LRRN3: variants seen among roughly 807,000 people sequenced by gnomAD.
LRRN3 encodes leucine rich repeat neuronal 3.
Under a neutral mutation model 40.1 loss-of-function variants are expected in LRRN3, and 15 were observed. The observed-to-expected ratio is 0.37, with a 90% CI of 0.25 to 0.58. The LOEUF (loss-of-function observed/expected upper bound fraction) is 0.58, where lower values mean the gene tolerates loss of function less well. LRRN3 is among the 20% of genes least tolerant of loss of function. LRRN3 has a pLI of 0.72. For synonymous variants in LRRN3, 308 were observed against 297.2 expected (o/e 1.04, Z -0.37); for missense variants, 746 against 837.7 (o/e 0.89, Z 1.35).
rs767300590 is a variant in LRRN3 at position 111,124,332 on chromosome 7, T to A, written c.1560T>A (p.Asp520Glu). The change falls in exon 3 of 3, where the codon GAT (aspartate) becomes GAA (glutamate). Residue 520 changes from aspartate to glutamate, a missense_variant. Physicochemically the swap from Asp to Glu is conservative, Grantham distance 45. Coordinates refer to ENST00000308478, the MANE Select transcript of LRRN3 (RefSeq NM_001099658.2). ...AAGTGGATGGATCTTTTCCACAAGA[T>A]AACAATGGCTCTTTGAATATTAAAA... The part of the protein sequence containing the change: ...MIKVDGSFPQ[D>E]NNGSLNIKIR... The A allele has an allele frequency of 6.2e-7, 1 of 1,613,784 alleles. No homozygotes were observed.
intron 1 of LRRN3, among the ~76,000 whole-genome samples, chr7:111,092,125 G>A (rs115489404): frequency 1.3e-5 from 2 of 152,268 alleles, no homozygotes; most frequent in African/African-American, 4.8e-5. Context: ...ATTTCTGCCA[G>A]GCTACATCTT....
rs1798824568 is a variant in LRRN3 at position 111,108,675 on chromosome 7, T to A, written c.-359+8713T>A. Among the ~76,000 whole-genome samples, 3 of 152,160 alleles carry A rather than the reference T, an allele frequency of 2.0e-5. No individual in the cohort carries two copies. The South Asian group carries it at 6.2e-4, about 32-fold the overall frequency. On this transcript the variant is annotated intron_variant, in intron 2 of 2. Transcript: ENST00000308478. The stretch of plus-strand genomic sequence containing the variant: ...TCTAAAGTGGGTATTGTTACACTTT[T>A]GTAATCTCCTGAATTTAAAAAAAAC...
intron 2 of LRRN3, among the ~76,000 whole-genome samples, chr7:111,113,405 G>A (rs571309942): frequency 7.7e-4 from 116 of 151,366 alleles, no homozygotes; most frequent in African/African-American, 2.6e-3. Context: ...TTGTATACAT[G>A]TCTATCATGT....
chr7:111,124,185 C>T lies in LRRN3; in HGVS notation c.1413C>T (p.Asp471=), dbSNP rs1272768627. Residue 471 remains aspartate, a synonymous_variant, in exon 3 of 3, where the codon GAC becomes GAT. Coordinates refer to ENST00000308478, the MANE Select transcript of LRRN3 (RefSeq NM_001099658.2). ...AACTCTTGCCTAATACCCTGACAGACAAGTTCTATGTCCATTCTGAGGGAA... is the reference window on the plus strand; with the variant it reads ...AACTCTTGCCTAATACCCTGACAGATAAGTTCTATGTCCATTCTGAGGGAA... ...GQKLLPNTLT[D]KFYVHSEGTL... The T allele has an allele frequency of 1.2e-5, 19 of 1,613,884 alleles. No individual in the cohort carries two copies. Among genetic ancestry groups the T allele is most frequent in the Non-Finnish European group, 1.5e-5 (18 of 1,179,924 alleles).
intron 2 of LRRN3, among the ~76,000 whole-genome samples, chr7:111,109,235 C>T (rs1798906823): frequency 1.3e-5 from 2 of 151,906 alleles, no homozygotes; most frequent in African/African-American, 4.8e-5. Context: ...ACATGATAAA[C>T]CATTAACTTT....
At chr7:111,110,865 A>G (rs928251948) in intron 2 of LRRN3, among the ~76,000 whole-genome samples, 1 of 152,170 alleles carries the variant, frequency 6.6e-6, no homozygotes, top group African/African-American at 2.4e-5. Flanking sequence ...GGGATTCCAG[A>G]TCTTAAATCA....
At position 111,124,038 on chromosome 7, in the gene LRRN3, T is replaced by A; in HGVS notation, c.1266T>A (p.Leu422=). 1 of 1,614,084 alleles carries A rather than the reference T, an allele frequency of 6.2e-7. No homozygotes were observed. Among genetic ancestry groups the A allele is most frequent in the South Asian group, 1.1e-5 (1 of 91,086 alleles). ...FRDMMEICLP[L]IAPESFPSNL... ...ACATGATGGAAATTTGTCTCCCTCTTATAGCTCCTGAGAGCTTTCCTTCTA... is the reference window on the plus strand; with the variant it reads ...ACATGATGGAAATTTGTCTCCCTCTAATAGCTCCTGAGAGCTTTCCTTCTA... Residue 422 remains leucine (L), a synonymous_variant, in exon 3 of 3, where the codon CTT becomes CTA. Coordinates refer to ENST00000308478, the MANE Select transcript of LRRN3 (RefSeq NM_001099658.2).
At chr7:111,109,036 T>C (rs1798873530) in intron 2 of LRRN3, among the ~76,000 whole-genome samples, 1 of 152,144 alleles carries the variant, frequency 6.6e-6, no homozygotes, top group Non-Finnish European at 1.5e-5. Context: ...AAGCAAATAA[T>C]TTCTAGCAGT....
At position 111,110,092 on chromosome 7, in the gene LRRN3, G is replaced by A. The variant is rs1435292942; in HGVS notation, c.-359+10130G>A. Among the ~76,000 whole-genome samples the A allele has an allele frequency of 4.6e-5, 7 of 152,070 alleles. No individual in the cohort carries two copies. In the South Asian group the frequency reaches 6.2e-4, roughly 14 times the overall value. On this transcript the variant is annotated intron_variant, in intron 2 of 2. Transcript: ENST00000308478. ...GGAGGTTGCAGTAAGCTGAGATCAC[G>A]CCACTGCACTCCAGCCTAGGCAACA... is the stretch of plus-strand genomic sequence containing the variant.
At chr7:111,093,897 G>A (rs1456954327) in intron 1 of LRRN3, among the ~76,000 whole-genome samples, 1 of 152,098 alleles carries the variant, frequency 6.6e-6, no homozygotes, top group African/African-American at 2.4e-5. Context: ...CTTGTCACAG[G>A]CAACATGCTG....
At chr7:111,113,889 A>C (rs1799534202) in intron 2 of LRRN3, among the ~76,000 whole-genome samples, 1 of 152,176 alleles carries the variant, frequency 6.6e-6, no homozygotes, top group African/African-American at 2.4e-5. Flanking sequence ...AAATCATAAG[A>C]ATGAGCTTTT....
At chr7:111,119,828 G>A (rs1338459773) in intron 2 of LRRN3, among the ~76,000 whole-genome samples, 2 of 152,138 alleles carry the variant, frequency 1.3e-5, no homozygotes, top group Non-Finnish European at 2.9e-5. Flanking sequence ...TGAAGGAAAG[G>A]ATCAAGGAAA....
In LRRN3 at chr7:111,123,677, G is replaced by A; in HGVS notation, c.905G>A (p.Ser302Asn). Residue 302 changes from serine (S) to asparagine (N), a missense_variant, in exon 3 of 3, where the codon AGT becomes AAT. By Grantham distance (46) the Ser-to-Asn change is conservative (BLOSUM62 1). Transcript: ENST00000308478. This position sits in a 1 kb window ranked among gnomAD's most constrained non-coding sequence, Gnocchi z 6.4. ...NNMPELISID[S>N]LAVDNLPDLR... ...ATGCCTGAGCTGATTTCCATCGATA[G>A]TCTTGCTGTGGATAACCTGCCAGAT... 1 of 1,613,910 alleles carries A rather than the reference G, an allele frequency of 6.2e-7. No homozygotes were observed.
At chr7:111,098,656 A>G (rs981271801) in intron 1 of LRRN3, among the ~76,000 whole-genome samples, 1 of 151,794 alleles carries the variant, frequency 6.6e-6, no homozygotes, top group African/African-American at 2.4e-5. Flanking sequence ...AGCACTTAAC[A>G]TACATTTTCT....
chr7:111,124,934 A>AC lies in LRRN3; in HGVS notation c.*35_*36insC, dbSNP rs548925596. Reference sequence around the variant, plus strand: ...AGGAAACCTACTCCAAAAATGAACAAAAAAAAAAAAAGCGAAAGACTGCAG... The same window carrying AC: ...AGGAAACCTACTCCAAAAATGAACAACAAAAAAAAAAAGCGAAAGACTGCAG... On this transcript the variant is annotated 3_prime_UTR_variant, in exon 3 of 3. Coordinates refer to ENST00000308478, the MANE Select transcript of LRRN3 (RefSeq NM_001099658.2). The AC allele has an allele frequency of 9.7e-4, 1,101 of 1,136,788 alleles. 5 individuals are homozygous for AC. The South Asian group carries it at 1.0e-2, about 10-fold the overall frequency. 70.4% of individuals were successfully genotyped at this position (1,136,788 alleles called of 1,614,324 possible). A position where few individuals can be genotyped will look rare whatever the true frequency, so the allele number is the denominator to read the frequency against.
intron 2 of LRRN3, among the ~76,000 whole-genome samples, chr7:111,112,003 A>G (rs939842514): frequency 8.1e-6 from 1 of 124,172 alleles, no homozygotes; most frequent in South Asian, 2.5e-4. Context: ...GCTGGAGTGC[A>G]GTGGTGCGAT....
intron 2 of LRRN3, among the ~76,000 whole-genome samples, chr7:111,118,429 C>A (rs1252158683): frequency 6.6e-6 from 1 of 152,006 alleles, no homozygotes; most frequent in East Asian, 1.9e-4. Context: ...TAAGTGTCCA[C>A]AGGAATTGGA....
At chr7:111,119,680 C>A (rs1408980640) in intron 2 of LRRN3, among the ~76,000 whole-genome samples, 1 of 152,140 alleles carries the variant, frequency 6.6e-6, no homozygotes, top group African/African-American at 2.4e-5. Context: ...AGGATGCATA[C>A]AGGATTCTAC....
intron 2 of LRRN3, among the ~76,000 whole-genome samples, chr7:111,101,484 G>C (rs1797968477): frequency 1.3e-5 from 2 of 151,414 alleles, no homozygotes; most frequent in Middle Eastern, 6.8e-3. Flanking sequence ...CAGAATTATT[G>C]GGTTAAGATT....
Sources: allele counts gnomAD v4.1 joint callset (sites outside exome capture counted in the v4.1 genomes callset), GRCh38; gene constraint gnomAD v4.1.1; non-coding constraint Gnocchi (gnomAD v3.1); transcripts MANE v1.5; gene names NCBI Gene and HGNC (gene_info 2026-07-23, HGNC 2026-07-21).